The following ERCC6L2 variants were observed in gnomAD, a reference collection of about 807,000 sequenced individuals.
ERCC6L2 encodes the protein ERCC excision repair 6 like 2.
A neutral mutation model predicts 132.0 loss-of-function variants in ERCC6L2; 77 were observed. The ratio of observed to expected loss-of-function variants is 0.58; its 90% CI spans 0.49 to 0.71. The LOEUF (loss-of-function observed/expected upper bound fraction) is 0.71, where lower values mean the gene tolerates loss of function less well. Ranked by LOEUF, ERCC6L2 falls within the 30% of genes least tolerant of loss-of-function variation. ERCC6L2 has a pLI of 0.00. For synonymous variants in ERCC6L2, 583 were observed against 632.4 expected, an observed-to-expected ratio of 0.92 and a Z score of 1.17; for missense variants, 1,542 against 1,837.6, an observed-to-expected ratio of 0.84 and a Z score of 2.94.
intron 4 of ERCC6L2, among the ~76,000 whole-genome samples, chr9:95,908,554 A>G (rs746299401): frequency 1.3e-5 from 2 of 152,336 alleles, no homozygotes; most frequent in South Asian, 2.1e-4. Flanking sequence ...TAGCAAACCA[A>G]TACAAGGCTT....
rs142487448 is a variant in ERCC6L2, at chr9:95,978,113, G to A, written c.3390G>A (p.Ser1130=). The A allele has an allele frequency of 2.8e-5, 38 of 1,367,322 alleles. No individual in the cohort carries two copies. Among genetic ancestry groups the A allele is most frequent in the Admixed American group, 7.6e-5 (4 of 52,510 alleles). 84.7% of individuals were successfully genotyped at this position (1,367,322 alleles called of 1,614,324 possible). The change falls in exon 17 of 19, where the codon TCG becomes TCA. Residue 1130 remains serine, a synonymous_variant. Coordinates refer to ENST00000653738, the MANE Select transcript of ERCC6L2 (RefSeq NM_020207.7). ...ACTCAAACCAGAATGTAATTGGATC[G>A]AGCAAAGCTGAAAATCACATGAGCC... ...YIHSNQNVIG[S]SKAENHMSRW... is the part of the protein sequence containing the mutation.
At chr9:95,975,132 T>C (rs2133093974) in intron 16 of ERCC6L2, among the ~76,000 whole-genome samples, 1 of 152,304 alleles carries the variant, frequency 6.6e-6, no homozygotes, top group South Asian at 2.1e-4. Flanking sequence ...GGATATACTA[T>C]GTCTTCATTG....
At chr9:95,960,081 G>A (rs146512199) in intron 13 of ERCC6L2, among the ~76,000 whole-genome samples, 8 of 152,092 alleles carry the variant, frequency 5.3e-5, no homozygotes, top group Non-Finnish European at 7.4e-5. Context: ...GGTGTCTACT[G>A]TCAAGTGAGA....
intron 17 of ERCC6L2, among the ~76,000 whole-genome samples, chr9:95,980,436 C>A (rs1005985559): frequency 1.3e-4 from 20 of 152,126 alleles, no homozygotes; most frequent in African/African-American, 4.6e-4. Flanking sequence ...CCCATGGCAC[C>A]ATTGCTAGCA....
intron 19 of ERCC6L2, among the ~76,000 whole-genome samples, chr9:96,029,517 T>G (rs926835508): frequency 6.6e-6 from 1 of 152,144 alleles, no homozygotes; most frequent in African/African-American, 2.4e-5. Flanking sequence ...GATGTGATTT[T>G]CTGAATGTAT....
At chr9:95,956,728 G>A (rs141050023) in intron 13 of ERCC6L2, among the ~76,000 whole-genome samples, 168 of 152,230 alleles carry the variant, frequency 1.1e-3, no homozygotes, top group Middle Eastern at 3.4e-3. Context: ...TCAATATCCT[G>A]AGAACAGCAG....
chr9:95,922,272 T>C, intron 7 of ERCC6L2, 33 bp from the exon 8 acceptor site: 1 of 1,143,210 alleles, frequency 8.7e-7, no homozygotes, highest in Non-Finnish European at 1.3e-6. Flanking sequence ...GCTATGCTGG[T>C]CCTTTTTATT....
intron 18 of ERCC6L2, among the ~76,000 whole-genome samples, chr9:96,010,054 A>G (rs916983642): frequency 6.6e-6 from 1 of 152,248 alleles, no homozygotes; most frequent in Non-Finnish European, 1.5e-5. Flanking sequence ...GATGAAAAAT[A>G]GACAGAATAA....
intron 11 of ERCC6L2, among the ~76,000 whole-genome samples, chr9:95,932,049 C>T (rs1182194388): frequency 2.7e-5 from 4 of 150,462 alleles, no homozygotes; most frequent in Non-Finnish European, 5.9e-5. Flanking sequence ...ATTTTTCGAT[C>T]TTATTATTTT....
At chr9:96,021,862 T>C (rs1834296971), downstream of ERCC6L2, 1 of 152,464 alleles carries the variant, frequency 6.6e-6, no homozygotes, top group African/African-American at 2.4e-5. This position sits in a 1 kb window ranked among gnomAD's most constrained non-coding sequence, Gnocchi z 4.7. Context: ...GGACGCCGGG[T>C]ACTGCGGGGC....
chr9:95,955,814 T>G, intron 12 of ERCC6L2, 100 bp from the exon 13 acceptor site: 1 of 557,746 alleles, frequency 1.8e-6, no homozygotes, highest in Non-Finnish European at 3.1e-6. Flanking sequence ...TTTAAATTAA[T>G]TAAAAATTTA....
chr9:96,038,522 G>C (rs1588071533), intron 19 of ERCC6L2, among the ~76,000 whole-genome samples: 1 of 152,358 alleles, frequency 6.6e-6, no homozygotes, highest in East Asian at 1.9e-4. Flanking sequence ...AGCGGGGCCA[G>C]AAAGCACACA....
At chr9:96,011,727 G>A (rs1388438210) in intron 18 of ERCC6L2, among the ~76,000 whole-genome samples, 72 of 152,182 alleles carry the variant, frequency 4.7e-4, no homozygotes, top group Admixed American at 4.6e-3. Flanking sequence ...AAAAAGTCTT[G>A]TGCGATTTCT....
chr9:95,970,500 A>G, intron 14 of ERCC6L2, 76 bp from the exon 15 acceptor site: 1 of 793,748 alleles, frequency 1.3e-6, no homozygotes, highest in Non-Finnish European at 1.8e-6. Flanking sequence ...AATAGCATGC[A>G]TTGCTGTTGT....
chr9:95,939,620 A>G (rs147197478), intron 11 of ERCC6L2, among the ~76,000 whole-genome samples: 16 of 151,596 alleles, frequency 1.1e-4, no homozygotes, highest in Admixed American at 3.9e-4. Flanking sequence ...TATTTCAGCT[A>G]TTTTTCCATT....
At chr9:96,040,167 C>A (rs1834562564) in intron 20 of ERCC6L2, among the ~76,000 whole-genome samples, 1 of 151,392 alleles carries the variant, frequency 6.6e-6, no homozygotes, top group Non-Finnish European at 1.5e-5. Context: ...CCCCCAAGCA[C>A]CCCCACAATA....
intron 11 of ERCC6L2, among the ~76,000 whole-genome samples, chr9:95,939,052 T>C (rs1460431830): frequency 5.3e-5 from 8 of 152,134 alleles, no homozygotes; most frequent in Admixed American, 5.2e-4. Flanking sequence ...AGTATAGAAA[T>C]TTTACTTACA....
rs528721611 is a variant in ERCC6L2 at position 96,025,465 on chromosome 9, C to T, written c.*1504-13411C>T. Among the ~76,000 whole-genome samples, 4 of 152,300 alleles carry T rather than the reference C, an allele frequency of 2.6e-5. No homozygotes were observed. In the East Asian group the frequency reaches 5.8e-4, roughly 22 times the overall value. On this transcript the variant is annotated intron_variant and NMD_transcript_variant, in intron 19 of 20. Coordinates refer to the ERCC6L2 transcript ENST00000670016. ...GGTTCAGTGTGATCCGGAATGCCTCCGAGGCCCCCTTGCTCATCCACCTGC... is the reference window on the plus strand; with the variant it reads ...GGTTCAGTGTGATCCGGAATGCCTCTGAGGCCCCCTTGCTCATCCACCTGC...
rs1414178881 is a variant in ERCC6L2, at chr9:95,978,115, G to A, written c.3392G>A (p.Ser1131Asn). The A allele has an allele frequency of 7.3e-7, 1 of 1,367,388 alleles. No homozygotes were observed. Among genetic ancestry groups the A allele is most frequent in the South Asian group, 1.1e-5 (1 of 88,018 alleles). The allele number at this position is 1,367,388 out of a possible 1,614,324, so 84.7% of individuals were successfully genotyped here. A position where few individuals can be genotyped will look rare whatever the true frequency, so the allele number is the denominator to read the frequency against. The change falls in exon 17 of 19, where the codon AGC (serine) becomes AAC (asparagine). Residue 1131 changes from serine (S) to asparagine (N), a missense_variant. Ser to Asn is a conservative substitution (Grantham distance 46). Transcript: ENST00000653738. ...TCAAACCAGAATGTAATTGGATCGA[G>A]CAAAGCTGAAAATCACATGAGCCGA... ...IHSNQNVIGS[S>N]KAENHMSRWA...
Sources: gnomAD v4.1 joint callset for allele counts (sites outside exome capture counted in the v4.1 genomes callset) on GRCh38, gnomAD v4.1.1 for gene constraint, Gnocchi (gnomAD v3.1) non-coding constraint, MANE v1.5 for transcripts, NCBI Gene and HGNC (gene_info 2026-07-23, HGNC 2026-07-21) for gene names.